Variants in NCOA1 observed in about 807,000 individuals in gnomAD.
NCOA1 encodes the protein nuclear receptor coactivator 1.
Under a neutral mutation model 150.9 loss-of-function variants are expected in NCOA1, and 35 were observed. The ratio of observed to expected loss-of-function variants is 0.23; its 90% CI spans 0.18 to 0.31. The LOEUF (loss-of-function observed/expected upper bound fraction) is 0.31. Ranked by LOEUF, NCOA1 falls within the 10% of genes least tolerant of loss-of-function variation. NCOA1 has a pLI of 1.00. For missense variants in NCOA1, 1,491 were observed against 1,749.3 expected (o/e 0.85, Z 2.63); for synonymous variants, 590 against 630.0 (o/e 0.94, Z 0.95).
intron 1 of NCOA1, among the ~76,000 whole-genome samples, chr2:24,526,177 G>A (rs1290382764): frequency 6.6e-6 from 1 of 152,008 alleles, no homozygotes; most frequent in Non-Finnish European, 1.5e-5. Context: ...AAAACCTCAT[G>A]TAATGGGTAA....
intron 1 of NCOA1, among the ~76,000 whole-genome samples, chr2:24,492,456 C>T (rs922357972): frequency 7.2e-5 from 11 of 152,152 alleles, no homozygotes; most frequent in Non-Finnish European, 1.6e-4. Flanking sequence ...CAGTTACCCC[C>T]ATGGGTAGAC....
chr2:24,550,879 C>A (rs528937619), intron 1 of NCOA1, among the ~76,000 whole-genome samples: 2 of 152,118 alleles, frequency 1.3e-5, no homozygotes, highest in Non-Finnish European at 1.5e-5. Context: ...GAGGCCAAGG[C>A]GGGTGGATCA....
At chr2:24,719,028 C>CAAAAA (rs59556004) in intron 14 of NCOA1, among the ~76,000 whole-genome samples, 1 of 34,450 alleles carries the variant, frequency 2.9e-5, no homozygotes, top group Non-Finnish European at 5.0e-5. Context: ...GACTCTGTCC[C>CAAAAA]AAAAAAAAAA....
chr2:24,560,435 A>AT (rs948512590), intron 1 of NCOA1, among the ~76,000 whole-genome samples: 19 of 151,436 alleles, frequency 1.3e-4, no homozygotes, highest in East Asian at 7.7e-4. Flanking sequence ...TATGGATATG[A>AT]TTTTTTTTTC....
intron 7 of NCOA1, among the ~76,000 whole-genome samples, chr2:24,676,632 G>C (rs1671922519): frequency 6.6e-6 from 1 of 152,156 alleles, no homozygotes; most frequent in African/African-American, 2.4e-5. Flanking sequence ...AGGCTGAAAT[G>C]ACTCAAATGA....
chr2:24,541,045 T>A (rs1159735477), intron 1 of NCOA1, among the ~76,000 whole-genome samples: 2 of 152,122 alleles, frequency 1.3e-5, no homozygotes, highest in East Asian at 3.9e-4. Context: ...GAGATGCTTG[T>A]GAGACAACCA....
intron 3 of NCOA1, among the ~76,000 whole-genome samples, chr2:24,604,914 T>C (rs1668290337): frequency 6.6e-6 from 1 of 152,232 alleles, no homozygotes; most frequent in Non-Finnish European, 1.5e-5. Context: ...GCTTTTGATT[T>C]AAAGTGAGAG....
intron 3 of NCOA1, among the ~76,000 whole-genome samples, chr2:24,643,718 T>A (rs903252946): frequency 2.0e-5 from 3 of 152,146 alleles, no homozygotes; most frequent in African/African-American, 7.2e-5. Context: ...TTCAGAAGTT[T>A]ACAGATAGAT....
At chr2:24,742,350 A>G (rs528763916) in intron 19 of NCOA1, among the ~76,000 whole-genome samples, 164 bp downstream of exon 19, 20 of 152,266 alleles carry the variant, frequency 1.3e-4, no homozygotes, top group African/African-American at 4.8e-4. Flanking sequence ...TTGACACTAA[A>G]TGGTTGACTG....
intron 3 of NCOA1, among the ~76,000 whole-genome samples, chr2:24,628,537 G>A (rs1440917095): frequency 1.3e-5 from 2 of 152,010 alleles, no homozygotes; most frequent in Admixed American, 1.3e-4. Context: ...TACCTACACG[G>A]AGCTTACAGT....
rs1423522887 is a variant in NCOA1 at position 24,726,602 on chromosome 2, G to A, written c.2613G>A (p.Leu871=). Reference sequence around the variant, plus strand: ...TTCTTAAATCAGGATTACCTGAGCTGGAATTGGAAGCAATTGATAACCAAT... The same window carrying A: ...TTCTTAAATCAGGATTACCTGAGCTAGAATTGGAAGCAATTGATAACCAAT... ...PTSRLNRLPE[L]ELEAIDNQFG... The change falls in exon 15 of 23, where the codon CTG becomes CTA. Residue 871 remains leucine (L), a synonymous_variant. Transcript: ENST00000348332. 6.2e-7 allele frequency: 1 copy of A among 1,606,424 alleles called. No individual in the cohort carries two copies.
chr2:24,656,622 C>G (rs966876340), intron 4 of NCOA1, among the ~76,000 whole-genome samples: 3 of 152,176 alleles, frequency 2.0e-5, no homozygotes, highest in African/African-American at 7.2e-5. Context: ...ATCCTCTCCT[C>G]CTCACATCCT....
Position 24,758,049 on chromosome 2 carries a change from T to G in NCOA1, c.3958T>G (p.Ser1320Ala), listed in dbSNP as rs1235950512. Residue 1320 changes from serine (S) to alanine (A), a missense_variant, in exon 21 of 23, where the codon TCC (serine) becomes GCC (alanine). Ser to Ala is a moderately conservative substitution (Grantham distance 99). Transcript: ENST00000348332. ...ATACAACAACATGAGCATCACCGTT[T>G]CCATGGCAGGTGGAAATACGAATGT... The part of the protein sequence containing the change: ...GVYNNMSITV[S>A]MAGGNTNVQN... 6.2e-7 allele frequency: 1 copy of G among 1,614,162 alleles called. No homozygotes were observed. The highest frequency in any genetic ancestry group is 1.7e-5 in the Admixed American group (1 of 60,014).
At chr2:24,521,700 G>A (rs1440680234) in intron 1 of NCOA1, among the ~76,000 whole-genome samples, 1 of 152,026 alleles carries the variant, frequency 6.6e-6, no homozygotes, top group Non-Finnish European at 1.5e-5. Flanking sequence ...CATGAGAGTT[G>A]GAGATCTCCT....
At chr2:24,559,118 ATCTTTT>A (rs553294069) in intron 1 of NCOA1, among the ~76,000 whole-genome samples, 25 of 152,316 alleles carry the variant, frequency 1.6e-4, no homozygotes, top group Non-Finnish European at 2.2e-4. Context: ...CACCTCTGAT[ATCTTTT>A]TCTTTTTGTT....
intron 1 of NCOA1, among the ~76,000 whole-genome samples, chr2:24,521,230 C>T (rs1215808592): frequency 2.0e-5 from 3 of 152,056 alleles, no homozygotes; most frequent in Admixed American, 1.3e-4. Flanking sequence ...ATCAGCATAT[C>T]GGTCACCTCA....
At chr2:24,702,988 A>G (rs895022670) in intron 11 of NCOA1, among the ~76,000 whole-genome samples, 16 of 152,202 alleles carry the variant, frequency 1.1e-4, no homozygotes, top group Admixed American at 3.3e-4. Context: ...GGGATTGACT[A>G]TGTGTGTGAC....
chr2:24,496,000 T>C (rs1389240565), intron 1 of NCOA1, among the ~76,000 whole-genome samples: 1 of 152,232 alleles, frequency 6.6e-6, no homozygotes, highest in African/African-American at 2.4e-5. Flanking sequence ...CCTTTATTTC[T>C]GGTTCTGCAA....
At chr2:24,587,686 A>G (rs1667474336) in intron 3 of NCOA1, among the ~76,000 whole-genome samples, 1 of 152,060 alleles carries the variant, frequency 6.6e-6, no homozygotes, top group Admixed American at 6.6e-5. Flanking sequence ...TTGTGTCTCT[A>G]CTTCTACACT....
Sources: gnomAD v4.1 joint callset for allele counts (sites outside exome capture counted in the v4.1 genomes callset) on GRCh38, gnomAD v4.1.1 for gene constraint, MANE v1.5 for transcripts, NCBI Gene and HGNC (gene_info 2026-07-23, HGNC 2026-07-21) for gene names.